Variants in AOPEP observed in about 807,000 individuals in gnomAD.
AOPEP encodes aminopeptidase O.
AOPEP carries 77 observed loss-of-function variants against 98.1 expected under a neutral mutation model. That is an observed-to-expected ratio of 0.78 (90% CI 0.65 to 0.95). The LOEUF (loss-of-function observed/expected upper bound fraction) is 0.95, where lower values mean the gene tolerates loss of function less well. Ranked by LOEUF, AOPEP falls within the 40% of genes least tolerant of loss-of-function variation. The probability of loss-of-function intolerance (pLI) is 0.00; values close to 1 mark genes in which losing one functional copy is unlikely to be tolerated. For synonymous variants in AOPEP, 346 were observed against 365.3 expected, an observed-to-expected ratio of 0.95 and a Z score of 0.60; for missense variants, 1,024 against 1,024.7, an observed-to-expected ratio of 1.00 and a Z score of 0.01.
chr9:95,038,099 T>C (rs1054780639), intron 13 of AOPEP, among the ~76,000 whole-genome samples: 117 of 152,342 alleles, frequency 7.7e-4, no homozygotes, highest in African/African-American at 2.7e-3. Flanking sequence ...GAAAGTTATA[T>C]GTACTGTCCT....
intron 1 of AOPEP, among the ~76,000 whole-genome samples, chr9:94,756,366 C>T (rs1837047579): frequency 6.6e-6 from 1 of 151,654 alleles, no homozygotes. Context: ...GAGTTCAAGA[C>T]CAGCCTGGGC....
chr9:94,728,868 T>C (rs1324954038), intron 1 of AOPEP, among the ~76,000 whole-genome samples: 1 of 152,158 alleles, frequency 6.6e-6, no homozygotes, highest in African/African-American at 2.4e-5. Context: ...GTGTGGAAGT[T>C]CTTGTGTGAT....
At chr9:95,023,085 T>C (rs1158369172) in intron 13 of AOPEP, among the ~76,000 whole-genome samples, 1 of 152,222 alleles carries the variant, frequency 6.6e-6, no homozygotes, top group Non-Finnish European at 1.5e-5. Flanking sequence ...TTTCCTCATC[T>C]GCAAAACAGA....
intron 5 of AOPEP, among the ~76,000 whole-genome samples, chr9:94,907,807 C>T (rs2051390717): frequency 6.6e-6 from 1 of 152,164 alleles, no homozygotes; most frequent in African/African-American, 2.4e-5. Flanking sequence ...GCAGCGTGGC[C>T]TACAGGGTGG....
At chr9:95,135,557 A>G in the AOPEP span, 33 of 1,548,702 alleles carry the variant, frequency 2.1e-5, no homozygotes, top group Non-Finnish European at 2.8e-5. Flanking sequence ...TGAAAAAAGA[A>G]GATTAAAAAA....
At chr9:94,999,842 G>A (rs2061449892) in intron 11 of AOPEP, among the ~76,000 whole-genome samples, 1 of 152,058 alleles carries the variant, frequency 6.6e-6, no homozygotes, top group Non-Finnish European at 1.5e-5. Context: ...TTTCTAAGGA[G>A]CTGATAGCAC....
Position 94,801,978 on chromosome 9 carries a change from A to G in AOPEP, c.1364+976A>G, listed in dbSNP as rs80269296. 9.8e-3 allele frequency among the ~76,000 whole-genome samples: 1,497 copies of G among 152,328 alleles called. 26 individuals are homozygous for G. Among genetic ancestry groups the G allele is most frequent in the African/African-American group, 0.034 (1,394 of 41,580 alleles). The stretch of plus-strand genomic sequence containing the variant: ...ACCAGAACATTTGCTTTTGATCTTT[A>G]CTACATGTATGTACTTTAAAGACTG... On this transcript the variant is annotated intron_variant, in intron 5 of 16. Coordinates refer to ENST00000375315, the MANE Select transcript of AOPEP (RefSeq NM_001193329.3).
chr9:94,942,196 A>T (rs533573096), intron 7 of AOPEP, among the ~76,000 whole-genome samples: 101 of 152,358 alleles, frequency 6.6e-4, no homozygotes, highest in African/African-American at 2.3e-3. Context: ...CTCAGCCAGT[A>T]GGAAGAATCA....
rs914028439 is a variant in AOPEP at position 94,745,122 on chromosome 9, A to G, written c.-135-14527A>G. ...GTTATTCTAAAATGCAAAACAAATTATTGCTGACTGTAGTCACCCTGTTGT... is the reference window on the plus strand; with the variant it reads ...GTTATTCTAAAATGCAAAACAAATTGTTGCTGACTGTAGTCACCCTGTTGT... On this transcript the variant is annotated intron_variant, in intron 1 of 16. Transcript: ENST00000375315. Among the ~76,000 whole-genome samples the G allele has an allele frequency of 2.0e-5, 3 of 152,120 alleles. No individual in the cohort carries two copies. The East Asian group carries it at 5.8e-4, about 29-fold the overall frequency.
At chr9:94,899,512 A>T (rs915721522) in intron 5 of AOPEP, among the ~76,000 whole-genome samples, 3 of 151,866 alleles carry the variant, frequency 2.0e-5, no homozygotes, top group Non-Finnish European at 4.4e-5. Flanking sequence ...CACTTTGGGA[A>T]GCTAAGATGG....
intron 5 of AOPEP, among the ~76,000 whole-genome samples, chr9:94,872,419 C>T (rs1588644087): frequency 6.6e-6 from 1 of 152,174 alleles, no homozygotes; most frequent in African/African-American, 2.4e-5. Flanking sequence ...ACCCGGGGCT[C>T]ATGAGTGCAT....
At chr9:95,100,542 G>C in the AOPEP span, 10 of 231,660 alleles carry the variant, frequency 4.3e-5, no homozygotes, top group African/African-American at 2.2e-4. Flanking sequence ...AGACACAAAA[G>C]AATGTACAAC....
At chr9:94,735,008 A>G (rs111230986) in intron 1 of AOPEP, among the ~76,000 whole-genome samples, 3,222 of 152,222 alleles carry the variant, frequency 0.021, 50 homozygotes, top group Non-Finnish European at 0.034. Context: ...AGAGCTTTTC[A>G]CTTTGCCTCT....
intron 5 of AOPEP, among the ~76,000 whole-genome samples, chr9:94,893,827 A>G (rs1317817395): frequency 1.3e-5 from 2 of 152,230 alleles, no homozygotes; most frequent in Non-Finnish European, 2.9e-5. Flanking sequence ...AGAAAAATGT[A>G]AAATGTGTAA....
At chr9:95,110,581 A>G in the AOPEP span, 15 of 1,034,956 alleles carry the variant, frequency 1.4e-5, no homozygotes, top group Admixed American at 1.7e-4. Context: ...TTTAAAATCT[A>G]AAACTATTTT....
chr9:95,045,090 G>T (rs1404912311), intron 13 of AOPEP, among the ~76,000 whole-genome samples: 1 of 152,192 alleles, frequency 6.6e-6, no homozygotes, highest in Admixed American at 6.5e-5. Flanking sequence ...AGAGTTGGGC[G>T]TCACAGCGCT....
chr9:95,118,523 G>A, the AOPEP span, among the ~76,000 whole-genome samples: 1 of 152,320 alleles, frequency 6.6e-6, no homozygotes, highest in South Asian at 2.1e-4. Context: ...CCCCAGTGAA[G>A]ACACATTTCT....
intron 13 of AOPEP, among the ~76,000 whole-genome samples, chr9:95,033,988 C>T (rs1346338074): frequency 6.6e-6 from 1 of 152,106 alleles, no homozygotes. Context: ...ATTGTTTTCT[C>T]CCCTTGCTTT....
chr9:95,005,137 CTG>C lies in AOPEP; in HGVS notation c.1978-17_1978-16del. The C allele has an allele frequency of 2.7e-6, 3 of 1,130,156 alleles. No individual in the cohort carries two copies. The highest frequency in any genetic ancestry group is 2.2e-6 in the Non-Finnish European group (2 of 920,386). The allele number at this position is 1,130,156 out of a possible 1,614,324, so 70.0% of individuals were successfully genotyped here. On this transcript the variant is annotated intron_variant, in intron 11 of 16. Transcript: ENST00000375315. ...GGGGCCGCTCCCGCGGTAAACTTGACTGTGTCCTCTTCCCCCGCAGCCGCTGC... is the reference window on the plus strand; with the variant it reads ...GGGGCCGCTCCCGCGGTAAACTTGACTGTCCTCTTCCCCCGCAGCCGCTGC...
Sources: gnomAD v4.1 joint callset for allele counts (sites outside exome capture counted in the v4.1 genomes callset) on GRCh38, gnomAD v4.1.1 for gene constraint, MANE v1.5 for transcripts, NCBI Gene and HGNC (gene_info 2026-07-23, HGNC 2026-07-21) for gene names.